RUFY2: variants seen among roughly 807,000 people sequenced by gnomAD.
The protein encoded by RUFY2 is RUN and FYVE domain-containing protein 2.
RUFY2 carries 49 observed loss-of-function variants against 94.4 expected under a neutral mutation model. The observed-to-expected ratio is 0.52, with a 90% CI of 0.41 to 0.66. The LOEUF (loss-of-function observed/expected upper bound fraction) is 0.66, where lower values mean the gene tolerates loss of function less well. RUFY2 is among the 30% of genes least tolerant of loss of function. The pLI is 0.00. For missense variants in RUFY2, 541 were observed against 692.8 expected, an observed-to-expected ratio of 0.78 and a Z score of 2.46; for synonymous variants, 255 against 235.7, an observed-to-expected ratio of 1.08 and a Z score of -0.75.
chr10:68,343,278 A>ATGAT (rs2046079107), downstream of RUFY2: 1 of 152,218 alleles, frequency 6.6e-6, no homozygotes, highest in Non-Finnish European at 1.5e-5. Flanking sequence ...TACGATGTCT[A>ATGAT]TGATTTAGGA....
At chr10:68,394,477 T>C in intron 4 of RUFY2, 26 bp from the exon 5 acceptor site, 3 of 1,521,518 alleles carry the variant, frequency 2.0e-6, no homozygotes, top group Non-Finnish European at 2.7e-6. Context: ...AAATAAGGAC[T>C]TTAAATCACA....
chr10:68,347,472 TG>T (rs1289608123), intron 16 of RUFY2, among the ~76,000 whole-genome samples: 4 of 151,912 alleles, frequency 2.6e-5, no homozygotes, highest in African/African-American at 9.7e-5. Flanking sequence ...TTAGTAGAGA[TG>T]GGGTTTCACC....
rs140672581 is a variant in RUFY2, at chr10:68,346,507, A to G, written c.1600-423T>C. 347 of 161,452 alleles carry G rather than the reference A, an allele frequency of 2.1e-3. 1 individual carries two copies. The highest frequency in any genetic ancestry group is 3.8e-3 in the Admixed American group (61 of 16,124). 10.0% of individuals were successfully genotyped at this position (161,452 alleles called of 1,614,324 possible). A position where few individuals can be genotyped will look rare whatever the true frequency, so the allele number is the denominator to read the frequency against. The stretch of plus-strand genomic sequence containing the variant: ...GTAATGGTTCATTTTGCTCTTTTCT[A>G]TACAATTGTATATATTAGAACATAT... On this transcript the variant is annotated intron_variant, in intron 16 of 17. Coordinates refer to ENST00000602465, the MANE Select transcript of RUFY2 (RefSeq NM_001330103.2).
At chr10:68,381,458 A>G in intron 10 of RUFY2, 59 bp from the exon 11 acceptor site, 1 of 1,503,426 alleles carries the variant, frequency 6.7e-7, no homozygotes, top group Non-Finnish European at 9.0e-7. Flanking sequence ...AATTAGATAT[A>G]CTTTAAGAAA....
chr10:68,359,196 T>C (rs907449561), intron 15 of RUFY2, among the ~76,000 whole-genome samples: 2 of 151,972 alleles, frequency 1.3e-5, no homozygotes, highest in African/African-American at 4.8e-5. Flanking sequence ...CTGATCAACA[T>C]GGTGAAATCC....
chr10:68,366,874 T>A (rs940600646), intron 13 of RUFY2, among the ~76,000 whole-genome samples: 10 of 143,456 alleles, frequency 7.0e-5, no homozygotes, highest in East Asian at 2.0e-4. Flanking sequence ...TAAATAAATA[T>A]ATATATATAT....
intron 3 of RUFY2, among the ~76,000 whole-genome samples, chr10:68,398,109 A>AGAGACAGACTC: frequency 6.8e-6 from 1 of 147,320 alleles, no homozygotes; most frequent in East Asian, 2.0e-4. Flanking sequence ...CCTGGGCAAC[A>AGAGACAGACTC]AGGTAAGATT....
intron 7 of RUFY2, among the ~76,000 whole-genome samples, chr10:68,388,903 A>C (rs1293050997): frequency 6.6e-6 from 1 of 151,900 alleles, no homozygotes; most frequent in East Asian, 1.9e-4. Flanking sequence ...ACTTTTATTT[A>C]TTTATTTAGA....
At chr10:68,394,909 G>GT (rs2050277302) in intron 4 of RUFY2, among the ~76,000 whole-genome samples, 1 of 151,944 alleles carries the variant, frequency 6.6e-6, no homozygotes, top group African/African-American at 2.4e-5. Flanking sequence ...GATTACAGGC[G>GT]TGAGCCACCG....
rs1295169617 is a variant in RUFY2, at chr10:68,345,826, C to A, written c.1763G>T (p.Arg588Leu). 6.2e-7 allele frequency: 1 copy of A among 1,613,794 alleles called. No homozygotes were observed. The highest frequency in any genetic ancestry group is 1.3e-5 in the African/African-American group (1 of 74,884). The change falls in exon 18 of 18, where the codon CGG becomes CTG. Residue 588 changes from arginine (R) to leucine (L), a missense_variant. Physicochemically the swap from Arg to Leu is moderately radical, Grantham distance 102 (BLOSUM62 -2). Coordinates refer to ENST00000602465, the MANE Select transcript of RUFY2 (RefSeq NM_001330103.2). Reference protein sequence around the residue: ...LPLPSSPKPVRVCDSCHALLI... With the variant: ...LPLPSSPKPVLVCDSCHALLI... ...CAGTGCATGACAGGAATCACAAACCCGTACTGGTTTTGGTGAAGAAGGCAA... is the reference window on the plus strand; with the variant it reads ...CAGTGCATGACAGGAATCACAAACCAGTACTGGTTTTGGTGAAGAAGGCAA...
chr10:68,351,713 G>T (rs2046690876), intron 16 of RUFY2, among the ~76,000 whole-genome samples: 1 of 150,698 alleles, frequency 6.6e-6, no homozygotes, highest in African/African-American at 2.4e-5. Flanking sequence ...CTCCCAAAGT[G>T]CTGGGATTAC....
intron 1 of RUFY2, chr10:68,405,774 A>G (rs2051245865): frequency 9.9e-6 from 9 of 907,980 alleles, no homozygotes; most frequent in Non-Finnish European, 1.2e-5. Flanking sequence ...TTTTATTTTC[A>G]AAGAGAAAAT....
At chr10:68,341,773 T>C, downstream of RUFY2, 4 of 1,606,908 alleles carry the variant, frequency 2.5e-6, no homozygotes, top group Non-Finnish European at 3.4e-6. Context: ...TCAGGGAGGC[T>C]ATGGATCAGT....
intron 1 of RUFY2, chr10:68,406,950 C>A (rs895945827): frequency 7.7e-6 from 12 of 1,551,050 alleles, no homozygotes; most frequent in Non-Finnish European, 1.0e-5. Flanking sequence ...CTCGAGCCCT[C>A]GGCCACTATG....
At chr10:68,347,128 G>C (rs1314871551) in intron 16 of RUFY2, among the ~76,000 whole-genome samples, 2 of 151,444 alleles carry the variant, frequency 1.3e-5, no homozygotes, top group African/African-American at 4.9e-5. Context: ...CCTGTCTCAA[G>C]AAAAAGAGGG....
chr10:68,356,018 A>G (rs1453763062), intron 15 of RUFY2, among the ~76,000 whole-genome samples: 1 of 152,018 alleles, frequency 6.6e-6, no homozygotes, highest in Non-Finnish European at 1.5e-5. Context: ...CTTTGCATGC[A>G]TAATCTCATG....
intron 13 of RUFY2, among the ~76,000 whole-genome samples, chr10:68,376,445 T>TATAC (rs2048655706): frequency 2.0e-4 from 1 of 4,892 alleles, no homozygotes; most frequent in Admixed American, 1.2e-3. Flanking sequence ...AATGTGTGTA[T>TATAC]ATATATATAT....
rs955939014 is a variant in RUFY2 at position 68,345,832 on chromosome 10, G to C, written c.1757C>G (p.Pro586Arg). ...NELPLPSSPK[P>R]VRVCDSCHAL... ...ATGACAGGAATCACAAACCCGTACT[G>C]GTTTTGGTGAAGAAGGCAAAGGTAG... The change falls in exon 18 of 18, where the codon CCA becomes CGA. Residue 586 changes from proline (P) to arginine (R), a missense_variant. This residue lies in a region of RUFY2 where 403 missense variants were observed against 480.7 expected (regional missense o/e 0.84). Coordinates refer to ENST00000602465, the MANE Select transcript of RUFY2 (RefSeq NM_001330103.2). 6.2e-7 allele frequency: 1 copy of C among 1,614,038 alleles called. No homozygotes were observed. The highest frequency in any genetic ancestry group is 1.3e-5 in the African/African-American group (1 of 75,018).
intron 13 of RUFY2, among the ~76,000 whole-genome samples, chr10:68,369,265 A>T (rs1016394953): frequency 6.6e-6 from 1 of 152,178 alleles, no homozygotes; most frequent in Non-Finnish European, 1.5e-5. Context: ...CAAGCAGATC[A>T]CTTGAGGTCA....
Sources: allele counts gnomAD v4.1 joint callset (sites outside exome capture counted in the v4.1 genomes callset), GRCh38; gene constraint gnomAD v4.1.1; regional missense constraint gnomAD v4.1.1; transcripts MANE v1.5; gene names NCBI Gene and HGNC (gene_info 2026-07-23, HGNC 2026-07-21).